ERBB4: variants seen among roughly 807,000 people sequenced by gnomAD.
ERBB4 encodes the protein receptor tyrosine-protein kinase erbB-4.
A neutral mutation model predicts 158.0 loss-of-function variants in ERBB4; 42 were observed. The observed-to-expected ratio is 0.27, with a 90% CI of 0.21 to 0.34. The LOEUF (loss-of-function observed/expected upper bound fraction) is 0.34. ERBB4 is among the 10% of genes least tolerant of loss of function. The probability of loss-of-function intolerance (pLI) is 1.00; values close to 1 mark genes in which losing one functional copy is unlikely to be tolerated. For synonymous variants in ERBB4, 583 were observed against 558.7 expected (o/e 1.04, Z -0.61); for missense variants, 1,333 against 1,624.1 (o/e 0.82, Z 3.08).
chr2:211,858,601 T>A (rs1023107654), intron 3 of ERBB4, among the ~76,000 whole-genome samples: 3 of 150,788 alleles, frequency 2.0e-5, no homozygotes, highest in Admixed American at 6.6e-5. Flanking sequence ...ATTTTTTTTT[T>A]ATTTTGGCCA....
chr2:211,993,493 T>C (rs1428234762), intron 2 of ERBB4, among the ~76,000 whole-genome samples: 1 of 152,068 alleles, frequency 6.6e-6, no homozygotes, highest in Non-Finnish European at 1.5e-5. Context: ...AATCCAATAA[T>C]CTGATTTACA....
At chr2:212,305,763 T>C (rs2106220912) in intron 1 of ERBB4, among the ~76,000 whole-genome samples, 1 of 151,380 alleles carries the variant, frequency 6.6e-6, no homozygotes, top group Middle Eastern at 3.4e-3. Flanking sequence ...ACAGAAACAA[T>C]TACAACATTT....
intron 20 of ERBB4, among the ~76,000 whole-genome samples, chr2:211,482,746 A>T (rs2065116063): frequency 6.6e-6 from 1 of 152,134 alleles, no homozygotes; most frequent in African/African-American, 2.4e-5. Context: ...TCTCTACTAA[A>T]AATACAAAAA....
In ERBB4 at chr2:212,334,089, T is replaced by C. The variant is rs548460413; in HGVS notation, c.82+204360A>G. Among the ~76,000 whole-genome samples the C allele has an allele frequency of 5.9e-5, 9 of 152,194 alleles. 1 individual carries two copies. The South Asian group carries it at 1.9e-3, about 32-fold the overall frequency. ...AATATTGGTACATGCAGATATAGCA[T>C]ATATAGGAAAAAGACATATGGATGA... On this transcript the variant is annotated intron_variant, in intron 1 of 27. Transcript: ENST00000342788.
chr2:212,006,847 G>A (rs1295635872), intron 2 of ERBB4, among the ~76,000 whole-genome samples: 1 of 151,950 alleles, frequency 6.6e-6, no homozygotes, highest in African/African-American at 2.4e-5. Context: ...AAATAACACT[G>A]TATTTTATTG....
At chr2:211,592,879 T>C (rs370788373) in intron 19 of ERBB4, among the ~76,000 whole-genome samples, 1 of 151,868 alleles carries the variant, frequency 6.6e-6, no homozygotes, top group African/African-American at 2.4e-5. Context: ...GGCGTGGTGG[T>C]GGGCACCTGT....
At chr2:211,790,154 T>G (rs1261298988) in intron 3 of ERBB4, among the ~76,000 whole-genome samples, 3 of 152,098 alleles carry the variant, frequency 2.0e-5, no homozygotes, top group Non-Finnish European at 4.4e-5. Flanking sequence ...TAAGTTTTTA[T>G]CTACGAAATG....
At chr2:212,310,822 G>A (rs1171459328) in intron 1 of ERBB4, among the ~76,000 whole-genome samples, 1 of 150,148 alleles carries the variant, frequency 6.7e-6, no homozygotes, top group Non-Finnish European at 1.5e-5. Context: ...TCTGGTAGAA[G>A]TAGAATGTAA....
At chr2:211,470,224 T>C (rs73067287) in intron 20 of ERBB4, among the ~76,000 whole-genome samples, 7,760 of 152,146 alleles carry the variant, frequency 0.051, 652 homozygotes, top group African/African-American at 0.18. Context: ...AGGAACAGAA[T>C]TGATAATTGA....
chr2:212,019,754 T>C (rs1176149777), intron 2 of ERBB4, among the ~76,000 whole-genome samples: 1 of 69,218 alleles, frequency 1.4e-5, no homozygotes, highest in Non-Finnish European at 3.0e-5. Context: ...AAAGCAACAT[T>C]CTGTAAAAAA....
intron 3 of ERBB4, among the ~76,000 whole-genome samples, chr2:211,845,056 T>C (rs2077557729): frequency 6.6e-6 from 1 of 152,124 alleles, no homozygotes; most frequent in Non-Finnish European, 1.5e-5. Flanking sequence ...GAAGGAAGCA[T>C]GGTCAGTATT....
At chr2:212,147,157 A>ATTTTTTTTTTTTTT (rs71397161) in intron 1 of ERBB4, among the ~76,000 whole-genome samples, 3 of 34,260 alleles carry the variant, frequency 8.8e-5, no homozygotes, top group African/African-American at 1.3e-4. Flanking sequence ...TGCCCAGCTA[A>ATTTTTTTTTTTTTT]TTTTTTTTTT....
At chr2:212,438,608 T>C (rs553160765) in intron 1 of ERBB4, among the ~76,000 whole-genome samples, 3 of 152,248 alleles carry the variant, frequency 2.0e-5, no homozygotes, top group South Asian at 4.1e-4. Flanking sequence ...CTAATAATCC[T>C]AACTTTGGAA....
rs529765938 is a variant in ERBB4, at chr2:211,377,339, T to G, written c.*6276A>C. On this transcript the variant is annotated 3_prime_UTR_variant, in exon 28 of 28. Transcript: ENST00000342788. ...AAATAGCAGTAAAGGCAAAGTGGTTTGGACAAGTTAGACTATTGCCTACAG... is the reference window on the plus strand; with the variant it reads ...AAATAGCAGTAAAGGCAAAGTGGTTGGGACAAGTTAGACTATTGCCTACAG... 4 of 233,226 alleles carry G rather than the reference T, an allele frequency of 1.7e-5. No homozygotes were observed. The East Asian group carries it at 2.4e-4, about 14-fold the overall frequency. The allele number at this position is 233,226 out of a possible 1,614,324, so 14.4% of individuals were successfully genotyped here.
rs539437534 is a variant in ERBB4 at position 212,152,327 on chromosome 2, A to G, written c.83-27424T>C. On this transcript the variant is annotated intron_variant, in intron 1 of 27. Coordinates refer to ENST00000342788, the MANE Select transcript of ERBB4 (RefSeq NM_005235.3). The stretch of plus-strand genomic sequence containing the variant: ...AATTACTGTGATAATTAAATAAAAT[A>G]TTCTACATAAAGTAGTTGGGCATAT... Among the ~76,000 whole-genome samples the G allele has an allele frequency of 1.2e-4, 19 of 152,316 alleles. No homozygotes were observed. In the South Asian group the frequency reaches 1.9e-3, roughly 15 times the overall value.
chr2:212,380,711 A>G (rs2090476023), intron 1 of ERBB4, among the ~76,000 whole-genome samples: 1 of 151,042 alleles, frequency 6.6e-6, no homozygotes, highest in African/African-American at 2.4e-5. Flanking sequence ...CTCTTTGAAA[A>G]TGTATCATAC....
chr2:212,301,210 A>G (rs114873607), intron 1 of ERBB4, among the ~76,000 whole-genome samples: 3,977 of 150,644 alleles, frequency 0.026, 175 homozygotes, highest in African/African-American at 0.092. Context: ...GTCTTCCTCT[A>G]TAACAGTTAT....
chr2:212,055,478 C>T (rs1321628943), intron 2 of ERBB4, among the ~76,000 whole-genome samples: 1 of 152,192 alleles, frequency 6.6e-6, no homozygotes, highest in African/African-American at 2.4e-5. Flanking sequence ...ATAGACAGCC[C>T]CCTCAAGTGG....
chr2:212,124,198 A>T (rs1198490729), intron 2 of ERBB4, among the ~76,000 whole-genome samples: 3 of 152,238 alleles, frequency 2.0e-5, no homozygotes, highest in South Asian at 2.1e-4. Context: ...TCAAGTATAC[A>T]TATACACATT....
Sources: gnomAD v4.1 joint callset for allele counts (sites outside exome capture counted in the v4.1 genomes callset) on GRCh38, gnomAD v4.1.1 for gene constraint, MANE v1.5 for transcripts, NCBI Gene and HGNC (gene_info 2026-07-23, HGNC 2026-07-21) for gene names.